Variants in TNKS1BP1 observed in about 807,000 individuals in gnomAD.
TNKS1BP1 encodes CCR4-NOT transcription complex subunit 12, also known as 182 kDa tankyrase-1-binding protein.
Under a neutral mutation model 141.1 loss-of-function variants are expected in TNKS1BP1, and 48 were observed. The ratio of observed to expected loss-of-function variants is 0.34; its 90% CI spans 0.27 to 0.43. The LOEUF is 0.43. TNKS1BP1 is among the 20% of genes least tolerant of loss of function. TNKS1BP1 has a pLI of 1.00. For synonymous variants in TNKS1BP1, 875 were observed against 898.2 expected (o/e 0.97, Z 0.46); for missense variants, 2,149 against 2,226.0 (o/e 0.97, Z 0.70).
chr11:57,321,065 G>A (rs1855877781), intron 2 of TNKS1BP1, among the ~76,000 whole-genome samples: 1 of 152,144 alleles, frequency 6.6e-6, no homozygotes, highest in Non-Finnish European at 1.5e-5. Context: ...ATAAACAAAT[G>A]CCTGCCTGTC....
At position 57,302,615 on chromosome 11, in the gene TNKS1BP1, C is replaced by T. The variant is rs34498883; in HGVS notation, c.4527G>A (p.Pro1509=). Residue 1509 remains proline (P), a synonymous_variant, in exon 7 of 12, where the codon CCG becomes CCA. Transcript: ENST00000358252. This position sits in a 1 kb window ranked among gnomAD's most constrained non-coding sequence, Gnocchi z 5.5. The part of the protein sequence containing the change: ...PGRDSPPSWR[P]QPDGEASQTE... ...TCTGGCTGGCCTCACCATCAGGCTG[C>T]GGCCTCCAGGAGGGTGGAGAGTCCC... The T allele has an allele frequency of 0.043, 69,537 of 1,612,008 alleles. 1,823 individuals are homozygous for T. Among genetic ancestry groups the T allele is most frequent in the South Asian group, 0.047 (4,295 of 90,896 alleles).
intron 5 of TNKS1BP1, among the ~76,000 whole-genome samples, chr11:57,312,219 G>A (rs927572387): frequency 6.6e-6 from 1 of 152,100 alleles, no homozygotes; most frequent in African/African-American, 2.4e-5. Context: ...TTTCCACCTC[G>A]ATTTACCCAC....
At position 57,308,741 on chromosome 11, in the gene TNKS1BP1, A is replaced by G; in HGVS notation, c.3970T>C (p.Cys1324Arg). 1 of 1,613,818 alleles carries G rather than the reference A, an allele frequency of 6.2e-7. No individual in the cohort carries two copies. Residue 1324 changes from cysteine (C) to arginine (R), a missense_variant, in exon 6 of 12, where the codon TGT (cysteine) becomes CGT (arginine). By Grantham distance (180) the Cys-to-Arg change is radical. Transcript: ENST00000358252. Reference sequence around the variant, plus strand: ...TGAGAACCTCCAGAGTCTGGGTCACAGGTCACCTCCAAATCCCTCAGGCCC... The same window carrying G: ...TGAGAACCTCCAGAGTCTGGGTCACGGGTCACCTCCAAATCCCTCAGGCCC... ...NLGLRDLEVT[C>R]DPDSGGSQGL... is the part of the protein sequence containing the mutation.
rs1855860873 is a variant in TNKS1BP1 at position 57,320,144 on chromosome 11, G to T, written c.663C>A (p.Ser221=). The change falls in exon 3 of 12, where the codon TCC becomes TCA. Residue 221 remains serine (S), a synonymous_variant. Transcript: ENST00000358252. ...CTGGAGACTTTACTGGCCCCTCCTG[G>T]GACCATCCCCTGAAGAGGGTGCTGC... ...EDGSTLFRGW[S]QEGPVKSPAE... 1 of 1,614,018 alleles carries T rather than the reference G, an allele frequency of 6.2e-7. No individual in the cohort carries two copies. The highest frequency in any genetic ancestry group is 8.5e-7 in the Non-Finnish European group (1 of 1,180,030).
Position 57,309,518 on chromosome 11 carries a change from G to C in TNKS1BP1, c.3193C>G (p.Gln1065Glu), listed in dbSNP as rs761717297. 51 of 1,613,484 alleles carry C rather than the reference G, an allele frequency of 3.2e-5. No individual in the cohort carries two copies. The South Asian group carries it at 5.1e-4, about 16-fold the overall frequency. Reference sequence around the variant, plus strand: ...CTGCCAGGGCCCTGAGCCCCTGCCTGCTGTCTCTCCTGATGCCCTCCCACC... The same window carrying C: ...CTGCCAGGGCCCTGAGCCCCTGCCTCCTGTCTCTCCTGATGCCCTCCCACC... ...QEVGGHQERQ[Q>E]AGAQGPGSAD... is the part of the protein sequence containing the mutation. The change falls in exon 6 of 12, where the codon CAG becomes GAG. Residue 1065 changes from glutamine to glutamate, a missense_variant. Coordinates refer to ENST00000358252, the MANE Select transcript of TNKS1BP1 (RefSeq NM_033396.3). This position sits in a 1 kb window ranked among gnomAD's most constrained non-coding sequence, Gnocchi z 4.3.
At position 57,312,650 on chromosome 11, in the gene TNKS1BP1, T is replaced by C; in HGVS notation, c.2038A>G (p.Ser680Gly). The change falls in exon 5 of 12, where the codon AGC (serine) becomes GGC (glycine). Residue 680 changes from serine (S) to glycine (G), a missense_variant. By Grantham distance (56) the Ser-to-Gly change is moderately conservative (BLOSUM62 0). Transcript: ENST00000358252. ...RASPEPPGPE[S>G]SSRWLDDLLA... ...AGGTCGTCCAGCCAGCGGGAGCTGC[T>C]TTCAGGGCCTGGAGGCTCGGGGGAT... The C allele has an allele frequency of 6.3e-7, 1 of 1,585,588 alleles. No homozygotes were observed. The highest frequency in any genetic ancestry group is 8.6e-7 in the Non-Finnish European group (1 of 1,166,164).
intron 1 of TNKS1BP1, among the ~76,000 whole-genome samples, chr11:57,322,658 A>T (rs983964754): frequency 3.9e-5 from 6 of 152,178 alleles, no homozygotes; most frequent in Non-Finnish European, 5.9e-5. Flanking sequence ...TGCCATAGCA[A>T]TGGCCTCCCA....
At chr11:57,305,579 GAA>G (rs1855597068) in intron 6 of TNKS1BP1, among the ~76,000 whole-genome samples, 1 of 152,152 alleles carries the variant, frequency 6.6e-6, no homozygotes, top group African/African-American at 2.4e-5. Flanking sequence ...GGTGAAGCTG[GAA>G]AGATGTGTCT....
chr11:57,304,844 C>A (rs1270591434), intron 6 of TNKS1BP1, among the ~76,000 whole-genome samples: 1 of 142,906 alleles, frequency 7.0e-6, no homozygotes, highest in Non-Finnish European at 1.5e-5. Context: ...TGCACTCCAG[C>A]CCAGGCAACA....
chr11:57,321,744 T>TCCCC, intron 2 of TNKS1BP1, 48 bp downstream of exon 2: 1 of 1,039,822 alleles, frequency 9.6e-7, no homozygotes, highest in Non-Finnish European at 1.5e-6. Flanking sequence ...CCTCTGTCCT[T>TCCCC]CCCACCCCCC....
intron 6 of TNKS1BP1, among the ~76,000 whole-genome samples, chr11:57,306,906 G>GT (rs1212066925): frequency 1.2e-4 from 18 of 150,630 alleles, no homozygotes; most frequent in Admixed American, 2.0e-4. Flanking sequence ...GTGGTGGTGG[G>GT]GGGGGGGGTT....
chr11:57,311,358 G>T (rs965417673), intron 5 of TNKS1BP1: 64 of 985,726 alleles, frequency 6.5e-5, no homozygotes, highest in Non-Finnish European at 7.5e-5. Flanking sequence ...CCCCAGGCTG[G>T]GCCATGGCCC....
rs1359605551 is a variant in TNKS1BP1 at position 57,300,533 on chromosome 11, T to C, written c.*7A>G. On this transcript the variant is annotated 3_prime_UTR_variant, in exon 11 of 12. Transcript: ENST00000358252. Reference sequence around the variant, plus strand: ...GCCCAGGAACCTGTCCTCACCTCAGTGACTTCTCAGACCTTCTTCTTCTTC... The same window carrying C: ...GCCCAGGAACCTGTCCTCACCTCAGCGACTTCTCAGACCTTCTTCTTCTTC... 21 of 1,614,106 alleles carry C rather than the reference T, an allele frequency of 1.3e-5. No homozygotes were observed. The highest frequency in any genetic ancestry group is 1.8e-5 in the Non-Finnish European group (21 of 1,180,032).
At chr11:57,306,425 C>T (rs1416846537) in intron 6 of TNKS1BP1, among the ~76,000 whole-genome samples, 1 of 152,140 alleles carries the variant, frequency 6.6e-6, no homozygotes, top group Non-Finnish European at 1.5e-5. Context: ...CTAATATATG[C>T]TAATATACAG....
At position 57,305,564 on chromosome 11, in the gene TNKS1BP1, G is replaced by A. The variant is rs1301098233; in HGVS notation, c.4317-2739C>T. On this transcript the variant is annotated intron_variant, in intron 6 of 11. Coordinates refer to ENST00000358252, the MANE Select transcript of TNKS1BP1 (RefSeq NM_033396.3). ...CCAGTGTTCTGAGACCTGAAATGAG[G>A]GAGGGGTGAAGCTGGAAAGATGTGT... 3.9e-5 allele frequency among the ~76,000 whole-genome samples: 6 copies of A among 152,168 alleles called. No individual in the cohort carries two copies. The South Asian group carries it at 8.3e-4, about 21-fold the overall frequency.
At chr11:57,318,173 G>A (rs1855826229) in intron 3 of TNKS1BP1, among the ~76,000 whole-genome samples, 1 of 152,226 alleles carries the variant, frequency 6.6e-6, no homozygotes, top group Non-Finnish European at 1.5e-5. Context: ...CCTCTCAACA[G>A]CTCCTAAAAA....
chr11:57,308,423 T>A lies in TNKS1BP1; in HGVS notation c.4288A>T (p.Thr1430Ser), dbSNP rs755058752. The change falls in exon 6 of 12, where the codon ACA becomes TCA. Residue 1430 changes from threonine to serine, a missense_variant. Physicochemically the swap from Thr to Ser is moderately conservative, Grantham distance 58. Coordinates refer to ENST00000358252, the MANE Select transcript of TNKS1BP1 (RefSeq NM_033396.3). ...EPHPADPGME[T>S]GEALSFGASP... Reference sequence around the variant, plus strand: ...GCTCCGAAGCTGAGGGCTTCTCCTGTCTCCATTCCAGGGTCTGCAGGGTGT... The same window carrying A: ...GCTCCGAAGCTGAGGGCTTCTCCTGACTCCATTCCAGGGTCTGCAGGGTGT... The A allele has an allele frequency of 3.1e-6, 5 of 1,613,912 alleles. No individual in the cohort carries two copies. In the East Asian group the frequency reaches 6.7e-5, roughly 22 times the overall value.
intron 3 of TNKS1BP1, among the ~76,000 whole-genome samples, chr11:57,318,567 T>C (rs192069746): frequency 2.6e-5 from 4 of 152,238 alleles, no homozygotes; most frequent in East Asian, 3.9e-4. Flanking sequence ...TTCATAGCAG[T>C]AGGAAGAGAA....
In TNKS1BP1 at chr11:57,309,971, G is replaced by A. The variant is rs746946950; in HGVS notation, c.2740C>T (p.His914Tyr). 6 of 1,614,038 alleles carry A rather than the reference G, an allele frequency of 3.7e-6. No individual in the cohort carries two copies. The South Asian group carries it at 6.6e-5, about 18-fold the overall frequency. Reference protein sequence around the residue: ...EQGQDLGKRDHHGRYSSQDAD... With the variant: ...EQGQDLGKRDYHGRYSSQDAD... ...TCCTGGCTGCTGTACCTACCATGGT[G>A]GTCCCTCTTCCCCAAATCTTGGCCC... Residue 914 changes from histidine to tyrosine, a missense_variant, in exon 6 of 12, where the codon CAC becomes TAC. Physicochemically the swap from His to Tyr is moderately conservative, Grantham distance 83. Transcript: ENST00000358252. This position sits in a 1 kb window ranked among gnomAD's most constrained non-coding sequence, Gnocchi z 4.3.
Sources: gnomAD v4.1 joint callset for allele counts (sites outside exome capture counted in the v4.1 genomes callset) on GRCh38, gnomAD v4.1.1 for gene constraint, Gnocchi (gnomAD v3.1) non-coding constraint, MANE v1.5 for transcripts, NCBI Gene and HGNC (gene_info 2026-07-23, HGNC 2026-07-21) for gene names.